SPATA6: variants seen among roughly 807,000 people sequenced by gnomAD.
SPATA6 encodes spermatogenesis associated 6.
SPATA6 carries 56 observed loss-of-function variants against 65.3 expected under a neutral mutation model. That is an observed-to-expected ratio of 0.86 (90% CI 0.69 to 1.07). The LOEUF is 1.07. SPATA6 is among the 50% of genes least tolerant of loss of function. The probability of loss-of-function intolerance (pLI) is 0.00; values close to 1 mark genes in which losing one functional copy is unlikely to be tolerated. For synonymous variants in SPATA6, 199 were observed against 213.2 expected (o/e 0.93, Z 0.58); for missense variants, 590 against 594.8 (o/e 0.99, Z 0.08).
rs115772820 is a variant in SPATA6, at chr1:48,331,080, G to A, written c.1194+24590C>T. ...AAAGAAGAAAAAAGCAAAACAATCC[G>A]TTCAAAGGACAGCAAATTCAAAGAC... On this transcript the variant is annotated intron_variant, in intron 11 of 12. Coordinates refer to ENST00000371847, the MANE Select transcript of SPATA6 (RefSeq NM_019073.4). 2.6e-3 allele frequency among the ~76,000 whole-genome samples: 403 copies of A among 152,194 alleles called. 1 individual carries two copies. The highest frequency in any genetic ancestry group is 6.7e-3 in the African/African-American group (278 of 41,532).
At position 48,453,247 on chromosome 1, in the gene SPATA6, TACTC is replaced by T. The variant is rs917316209; in HGVS notation, c.52-120_52-117del. ...ATTAGTCTGGTAATCTAATAAAAAA[TACTC>T]ACAAATAAAGAGAGAGAGACAGAGA... On this transcript the variant is annotated intron_variant, in intron 1 of 12. Transcript: ENST00000371847. The T allele has an allele frequency of 4.2e-5, 48 of 1,130,576 alleles. No individual in the cohort carries two copies. The African/African-American group carries it at 6.4e-4, about 15-fold the overall frequency. 70.0% of individuals were successfully genotyped at this position (1,130,576 alleles called of 1,614,324 possible).
chr1:48,365,069 T>C (rs1295002550), intron 9 of SPATA6, among the ~76,000 whole-genome samples: 1 of 152,210 alleles, frequency 6.6e-6, no homozygotes, highest in East Asian at 1.9e-4. Context: ...CTTTCCCCAT[T>C]GCTTGTTTTT....
chr1:48,401,148 A>C (rs1436514501), intron 6 of SPATA6, among the ~76,000 whole-genome samples: 1 of 151,982 alleles, frequency 6.6e-6, no homozygotes, highest in Non-Finnish European at 1.5e-5. Flanking sequence ...GACTCACTGA[A>C]TCTGTTACTT....
chr1:48,462,114 T>C (rs1657480257), intron 1 of SPATA6, among the ~76,000 whole-genome samples: 1 of 151,772 alleles, frequency 6.6e-6, no homozygotes, highest in African/African-American at 2.4e-5. Flanking sequence ...AAACACCGCA[T>C]GTTCTCACTC....
intron 4 of SPATA6, 60 bp downstream of exon 4, chr1:48,413,045 ATATAT>A (rs1402137999): frequency 5.4e-5 from 24 of 446,542 alleles, no homozygotes; most frequent in Non-Finnish European, 8.1e-5. Context: ...TCAATATATA[ATATAT>A]TATATATTAC....
In SPATA6 at chr1:48,338,298, G is replaced by A. The variant is rs754639453; in HGVS notation, c.1194+17372C>T. ...CAATGCTTCTGTTGCCTGTACAAGG[G>A]TGGAGTGACAAAACGTGAGTTTTAT... On this transcript the variant is annotated intron_variant, in intron 11 of 12. Transcript: ENST00000371847. Among the ~76,000 whole-genome samples, 36 of 151,936 alleles carry A rather than the reference G, an allele frequency of 2.4e-4. 1 individual carries two copies. Among genetic ancestry groups the A allele is most frequent in the South Asian group, 4.1e-4 (2 of 4,828 alleles).
intron 5 of SPATA6, among the ~76,000 whole-genome samples, chr1:48,405,423 T>C (rs1651607501): frequency 6.6e-6 from 1 of 152,206 alleles, no homozygotes; most frequent in African/African-American, 2.4e-5. Context: ...TGTGTTTCTG[T>C]GTTGAAATTT....
intron 11 of SPATA6, among the ~76,000 whole-genome samples, chr1:48,349,136 T>C (rs1646448373): frequency 6.6e-6 from 1 of 152,052 alleles, no homozygotes; most frequent in Non-Finnish European, 1.5e-5. Context: ...GAAAATTACA[T>C]GAAATTTACA....
chr1:48,284,917 C>T, the SPATA6 span, among the ~76,000 whole-genome samples: 3 of 152,186 alleles, frequency 2.0e-5, no homozygotes, highest in African/African-American at 7.2e-5. Flanking sequence ...TCAGGACCCA[C>T]TTGAGGAGGT....
At chr1:48,389,632 G>A (rs1570421512) in intron 8 of SPATA6, among the ~76,000 whole-genome samples, 1 of 151,650 alleles carries the variant, frequency 6.6e-6, no homozygotes, top group Admixed American at 6.6e-5. Flanking sequence ...TCAAAATGCT[G>A]AAAGAAAAAA....
At chr1:48,351,314 T>C (rs145815891) in intron 11 of SPATA6, among the ~76,000 whole-genome samples, 1 of 152,132 alleles carries the variant, frequency 6.6e-6, no homozygotes, top group Non-Finnish European at 1.5e-5. Context: ...TTCTAATCTG[T>C]ATGACTTTTA....
In SPATA6 at chr1:48,399,562, T is replaced by A; in HGVS notation, c.569A>T (p.Lys190Ile). The A allele has an allele frequency of 6.2e-7, 1 of 1,612,968 alleles. No individual in the cohort carries two copies. Among genetic ancestry groups the A allele is most frequent in the African/African-American group, 1.3e-5 (1 of 74,962 alleles). Reference sequence around the variant, plus strand: ...TTTACTTCTCTCAGGTGACTTGGATTTTTTCTTTTGTGATCTTGATGTTCT... The same window carrying A: ...TTTACTTCTCTCAGGTGACTTGGATATTTTCTTTTGTGATCTTGATGTTCT... ...QNRTSRSQKKKSKSPERSKYC... is the reference protein window; with the variant it reads ...QNRTSRSQKKISKSPERSKYC... Residue 190 changes from lysine (K) to isoleucine (I), a missense_variant, in exon 7 of 13, where the codon AAA becomes ATA. Lys to Ile is a moderately radical substitution (Grantham distance 102, BLOSUM62 -3). Coordinates refer to ENST00000371847, the MANE Select transcript of SPATA6 (RefSeq NM_019073.4).
rs573309480 is a variant in SPATA6, at chr1:48,305,337, TTA to T, written c.1286+448_1286+449del. Among the ~76,000 whole-genome samples, 9 of 152,278 alleles carry T rather than the reference TTA, an allele frequency of 5.9e-5. No homozygotes were observed. In the South Asian group the frequency reaches 1.9e-3, roughly 32 times the overall value. ...TACACTTTTTAATACTGCATTAAAA[TTA>T]TGTCAGTTGACACAGAGCTGTCAAA... On this transcript the variant is annotated intron_variant, in intron 12 of 12. Transcript: ENST00000371847.
At chr1:48,293,711 CT>C (rs1242906227), downstream of SPATA6, among the ~76,000 whole-genome samples, 3 of 152,134 alleles carry the variant, frequency 2.0e-5, no homozygotes, top group Non-Finnish European at 4.4e-5. Flanking sequence ...CTTCACAAAC[CT>C]TAGTAAGTGG....
At chr1:48,278,801 G>A in the SPATA6 span, among the ~76,000 whole-genome samples, 1 of 152,148 alleles carries the variant, frequency 6.6e-6, no homozygotes, top group African/African-American at 2.4e-5. Context: ...AGCAAGGGAG[G>A]CCAACATTCA....
chr1:48,261,995 G>A, the SPATA6 span, among the ~76,000 whole-genome samples: 1 of 152,018 alleles, frequency 6.6e-6, no homozygotes, highest in Admixed American at 6.6e-5. Context: ...TAAAGGAGAA[G>A]GGAATAAAAC....
At chr1:48,306,671 T>C (rs1263914676) in intron 11 of SPATA6, among the ~76,000 whole-genome samples, 1 of 152,004 alleles carries the variant, frequency 6.6e-6, no homozygotes, top group East Asian at 1.9e-4. Context: ...TAAGGATTAG[T>C]ATTAGTAAGG....
At position 48,369,468 on chromosome 1, in the gene SPATA6, G is replaced by T. The variant is rs190541601; in HGVS notation, c.910-9698C>A. Among the ~76,000 whole-genome samples the T allele has an allele frequency of 2.4e-3, 363 of 152,354 alleles. 1 individual carries two copies. The highest frequency in any genetic ancestry group is 7.9e-3 in the African/African-American group (329 of 41,588). The stretch of plus-strand genomic sequence containing the variant: ...CTGGCTCCTTTGTTTACCTAAGCAA[G>T]CCTGGGCAATGGTAGGTGCCCCTCC... On this transcript the variant is annotated intron_variant, in intron 9 of 12. Transcript: ENST00000371847.
chr1:48,290,441 C>T (rs1644759120), downstream of SPATA6, among the ~76,000 whole-genome samples: 2 of 152,182 alleles, frequency 1.3e-5, no homozygotes, highest in Admixed American at 1.3e-4. Flanking sequence ...ACTGCATCAA[C>T]TAACGAGCAA....
Sources: gnomAD v4.1 joint callset for allele counts (sites outside exome capture counted in the v4.1 genomes callset) on GRCh38, gnomAD v4.1.1 for gene constraint, MANE v1.5 for transcripts, NCBI Gene and HGNC (gene_info 2026-07-23, HGNC 2026-07-21) for gene names.